DLG1: variants seen among roughly 807,000 people sequenced by gnomAD.
The protein encoded by DLG1 is disks large homolog 1.
Under a neutral mutation model 123.4 loss-of-function variants are expected in DLG1, and 42 were observed. The ratio of observed to expected loss-of-function variants is 0.34; its 90% confidence interval spans 0.27 to 0.44. DLG1 has a LOEUF of 0.44. DLG1 is among the 20% of genes least tolerant of loss of function. The pLI is 1.00. For synonymous variants in DLG1, 317 were observed against 356.2 expected (o/e 0.89, Z 1.24); for missense variants, 942 against 1,082.6 (o/e 0.87, Z 1.82).
At chr3:197,257,898 C>G (rs1330816934) in intron 4 of DLG1, among the ~76,000 whole-genome samples, 1 of 152,148 alleles carries the variant, frequency 6.6e-6, no homozygotes, top group South Asian at 2.1e-4. Flanking sequence ...CACTTCACTG[C>G]CTGGCCTCTA....
At chr3:197,058,306 G>A (rs1017417055) in intron 23 of DLG1, among the ~76,000 whole-genome samples, 1 of 152,088 alleles carries the variant, frequency 6.6e-6, no homozygotes, top group African/African-American at 2.4e-5. Context: ...CAAAATCTTA[G>A]ATTTTCAACT....
chr3:197,158,834 T>C (rs1458520101), intron 5 of DLG1, among the ~76,000 whole-genome samples: 2 of 152,082 alleles, frequency 1.3e-5, no homozygotes, highest in South Asian at 2.1e-4. Flanking sequence ...AAAAAGACCA[T>C]GCACAAAAAA....
At position 197,178,211 on chromosome 3, in the gene DLG1, C is replaced by T. The variant is rs148989622; in HGVS notation, c.483+16214G>A. Reference sequence around the variant, plus strand: ...AATATTAACGAGAGAAGTTAGATGTCTACTGCTGTAGTTCAGGCAACATAT... The same window carrying T: ...AATATTAACGAGAGAAGTTAGATGTTTACTGCTGTAGTTCAGGCAACATAT... On this transcript the variant is annotated intron_variant, in intron 5 of 24. Transcript: ENST00000667157. 3.0e-3 allele frequency among the ~76,000 whole-genome samples: 455 copies of T among 152,260 alleles called. 2 individuals carry two copies. The highest frequency in any genetic ancestry group is 9.5e-3 in the African/African-American group (396 of 41,548).
chr3:197,274,373 G>C (rs1221404682), intron 4 of DLG1, among the ~76,000 whole-genome samples: 1 of 152,048 alleles, frequency 6.6e-6, no homozygotes, highest in Non-Finnish European at 1.5e-5. Flanking sequence ...AATGGTGCTG[G>C]GAAAATCTGG....
At chr3:197,194,226 T>C in intron 5 of DLG1, 199 bp downstream of exon 5, 3 of 338,042 alleles carry the variant, frequency 8.9e-6, no homozygotes, top group Non-Finnish European at 1.6e-5. Flanking sequence ...CTGACTAACA[T>C]TCATTTATAA....
chr3:197,235,498 G>A (rs889867126), intron 4 of DLG1, among the ~76,000 whole-genome samples: 4 of 152,098 alleles, frequency 2.6e-5, no homozygotes, highest in African/African-American at 9.7e-5. Flanking sequence ...CAGAGCAGAG[G>A]GGCCTCAATA....
At chr3:197,091,059 AT>A (rs1757459112) in intron 14 of DLG1, 33 bp from the exon 15 acceptor site, 5 of 1,415,546 alleles carry the variant, frequency 3.5e-6, no homozygotes, top group Non-Finnish European at 5.0e-6. Flanking sequence ...AAATTGATAT[AT>A]TTTCAAAAAA....
intron 5 of DLG1, among the ~76,000 whole-genome samples, chr3:197,171,699 C>G (rs188658746): frequency 6.6e-6 from 1 of 152,246 alleles, no homozygotes; most frequent in East Asian, 1.9e-4. Flanking sequence ...TATCAGCATT[C>G]AGATGACAAT....
chr3:197,176,734 T>C (rs557393185), intron 5 of DLG1, among the ~76,000 whole-genome samples: 1 of 152,268 alleles, frequency 6.6e-6, no homozygotes, highest in African/African-American at 2.4e-5. Flanking sequence ...TTCTAGGTTT[T>C]GGCAATTATG....
intron 4 of DLG1, among the ~76,000 whole-genome samples, chr3:197,265,528 G>C (rs1761305721): frequency 6.6e-6 from 1 of 152,162 alleles, no homozygotes; most frequent in Non-Finnish European, 1.5e-5. Context: ...AGAAAGGAGA[G>C]AGCGGGACAG....
intron 4 of DLG1, among the ~76,000 whole-genome samples, chr3:197,246,406 T>C (rs1330825646): frequency 6.6e-6 from 1 of 152,200 alleles, no homozygotes; most frequent in Non-Finnish European, 1.5e-5. Flanking sequence ...GTCATCTCTC[T>C]TTAGTAAGGG....
In DLG1 at chr3:197,104,943, A is replaced by G. The variant is rs752651990; in HGVS notation, c.1506T>C (p.Ala502=). ...HEQAAAALKN[A]GQAVTIVAQY... ...GTGCAACAATTGTGACAGCCTGGCC[A>G]GCATTTTTCAATGCAGCTGCTGCCT... The change falls in exon 14 of 25, where the codon GCT becomes GCC. Residue 502 remains alanine, a synonymous_variant. Transcript: ENST00000667157. The G allele has an allele frequency of 3.7e-6, 6 of 1,613,664 alleles. No individual in the cohort carries two copies. Among genetic ancestry groups the G allele is most frequent in the Admixed American group, 3.3e-5 (2 of 59,946 alleles).
At chr3:197,052,484 C>G (rs902343068) in intron 23 of DLG1, among the ~76,000 whole-genome samples, 4 of 151,812 alleles carry the variant, frequency 2.6e-5, no homozygotes, top group African/African-American at 9.7e-5. Flanking sequence ...AATAAATAAA[C>G]AAAAATAAAA....
chr3:197,164,520 G>A (rs1800341027), intron 5 of DLG1, among the ~76,000 whole-genome samples: 1 of 152,108 alleles, frequency 6.6e-6, no homozygotes, highest in Non-Finnish European at 1.5e-5. Flanking sequence ...TTTTAAGATA[G>A]TCTTTTGAAC....
chr3:197,261,533 C>A (rs1252112931), intron 4 of DLG1, among the ~76,000 whole-genome samples: 1 of 152,172 alleles, frequency 6.6e-6, no homozygotes, highest in Non-Finnish European at 1.5e-5. Context: ...ACAAAGTTTC[C>A]TCACAGTTTA....
At position 197,076,621 on chromosome 3, in the gene DLG1, T is replaced by C; in HGVS notation, c.1970A>G (p.Lys657Arg). 1 of 1,612,930 alleles carries C rather than the reference T, an allele frequency of 6.2e-7. No homozygotes were observed. Among genetic ancestry groups the C allele is most frequent in the Admixed American group, 1.7e-5 (1 of 59,988 alleles). The part of the protein sequence containing the change: ...FSRKFPFYKN[K>R]DQSEQETSDA... ...ACTTGTTTCCTGCTCACTCTGGTCC[T>C]TGTTCTTGTAGAAGGGGAATTTTCG... Residue 657 changes from lysine (K) to arginine (R), a missense_variant, in exon 18 of 25, where the codon AAG (lysine) becomes AGG (arginine). By Grantham distance (26) the Lys-to-Arg change is conservative. Coordinates refer to ENST00000667157, the MANE Select transcript of DLG1 (RefSeq NM_001366207.1).
At chr3:197,081,978 T>C (rs944606466) in intron 16 of DLG1, among the ~76,000 whole-genome samples, 8 of 152,258 alleles carry the variant, frequency 5.3e-5, no homozygotes, top group Non-Finnish European at 1.2e-4. Context: ...CAGAAAAGCC[T>C]ACCAAAACAA....
intron 23 of DLG1, among the ~76,000 whole-genome samples, chr3:197,054,217 G>C (rs1484366626): frequency 3.9e-5 from 6 of 152,346 alleles, no homozygotes; most frequent in Admixed American, 2.6e-4. Flanking sequence ...GTGCCGCAGT[G>C]TGGGTATCTA....
chr3:197,280,852 G>A (rs926189294), intron 4 of DLG1, among the ~76,000 whole-genome samples: 1 of 152,112 alleles, frequency 6.6e-6, no homozygotes. Flanking sequence ...TGCTACAGCT[G>A]CATACCTGAG....
Sources: allele counts gnomAD v4.1 joint callset (sites outside exome capture counted in the v4.1 genomes callset), GRCh38; gene constraint gnomAD v4.1.1; transcripts MANE v1.5; gene names NCBI Gene and HGNC (gene_info 2026-07-23, HGNC 2026-07-21).